The following VAV3 variants were observed in gnomAD, a reference collection of about 807,000 sequenced individuals.
The protein encoded by VAV3 is guanine nucleotide exchange factor VAV3.
Under a neutral mutation model 131.2 loss-of-function variants are expected in VAV3, and 94 were observed. The observed-to-expected ratio is 0.72, with a 90% CI of 0.61 to 0.85. The LOEUF (loss-of-function observed/expected upper bound fraction) is 0.85, where lower values mean the gene tolerates loss of function less well. Among genes scored for constraint, VAV3 ranks in the 40% least tolerant of loss-of-function variants. VAV3 has a pLI of 0.00. For missense variants in VAV3, 939 were observed against 1,002.7 expected, an observed-to-expected ratio of 0.94 and a Z score of 0.86; for synonymous variants, 349 against 342.0, an observed-to-expected ratio of 1.02 and a Z score of -0.22.
At chr1:107,950,316 T>C (rs916629336) in intron 1 of VAV3, among the ~76,000 whole-genome samples, 2 of 152,196 alleles carry the variant, frequency 1.3e-5, no homozygotes, top group East Asian at 3.8e-4. Flanking sequence ...GTTGCTACTG[T>C]TACTTCTAGT....
chr1:107,690,340 G>A (rs531825055), intron 17 of VAV3, among the ~76,000 whole-genome samples: 1 of 152,120 alleles, frequency 6.6e-6, no homozygotes, highest in African/African-American at 2.4e-5. Context: ...ATTTACGGTG[G>A]TCAAGTAGCT....
In VAV3 at chr1:107,574,133, C is replaced by T; in HGVS notation, c.2416G>A (p.Glu806Lys). Residue 806 changes from glutamate to lysine, a missense_variant, in exon 26 of 27, where the codon GAG becomes AAG. Transcript: ENST00000370056. ...RYDFCARDMR[E>K]LSLLKGDVVK... Reference sequence around the variant, plus strand: ...ACATCTCCTTTCAACAAGGACAACTCTCTCATATCTCTTGCACAGAAGTCA... The same window carrying T: ...ACATCTCCTTTCAACAAGGACAACTTTCTCATATCTCTTGCACAGAAGTCA... The T allele has an allele frequency of 6.2e-7, 1 of 1,614,148 alleles. No individual in the cohort carries two copies. Among genetic ancestry groups the T allele is most frequent in the African/African-American group, 1.3e-5 (1 of 75,050 alleles).
intron 19 of VAV3, among the ~76,000 whole-genome samples, chr1:107,682,247 A>G (rs925023764): frequency 1.3e-5 from 2 of 152,148 alleles, no homozygotes; most frequent in African/African-American, 4.8e-5. Context: ...AAATACAAAA[A>G]TGCATTTCCC....
intron 2 of VAV3, among the ~76,000 whole-genome samples, chr1:107,856,609 CTTTA>C (rs376968025): frequency 1.0e-3 from 154 of 152,114 alleles, no homozygotes; most frequent in African/African-American, 3.6e-3. Context: ...ATTGATAGCA[CTTTA>C]TTTTGTTCTC....
At chr1:107,878,974 A>T (rs1670640024) in intron 1 of VAV3, among the ~76,000 whole-genome samples, 1 of 152,148 alleles carries the variant, frequency 6.6e-6, no homozygotes, top group South Asian at 2.1e-4. Flanking sequence ...AAAACAGAAA[A>T]AAAGCTTCCC....
intron 1 of VAV3, among the ~76,000 whole-genome samples, chr1:107,932,931 C>A (rs1673515291): frequency 6.6e-6 from 1 of 152,202 alleles, no homozygotes; most frequent in Admixed American, 6.5e-5. Flanking sequence ...TGATTTTGAA[C>A]CTTTGGCCTC....
chr1:107,606,920 G>A (rs1652319063), intron 22 of VAV3, among the ~76,000 whole-genome samples: 1 of 141,224 alleles, frequency 7.1e-6, no homozygotes, highest in East Asian at 2.2e-4. Context: ...CTCTGTGTGT[G>A]TGAGCACCAA....
intron 1 of VAV3, among the ~76,000 whole-genome samples, chr1:107,953,114 C>T (rs895600308): frequency 1.5e-4 from 23 of 152,162 alleles, no homozygotes; most frequent in African/African-American, 4.8e-4. Context: ...GCAGCAGGAA[C>T]GGGAAACTTC....
At chr1:107,772,886 G>GT in intron 4 of VAV3, 43 bp from the exon 5 acceptor site, 3 of 1,521,238 alleles carry the variant, frequency 2.0e-6, no homozygotes, top group Non-Finnish European at 2.7e-6. Flanking sequence ...CTATTATGCA[G>GT]TAAATGCAAT....
chr1:107,623,608 C>T (rs1184494596), intron 20 of VAV3, among the ~76,000 whole-genome samples: 1 of 152,150 alleles, frequency 6.6e-6, no homozygotes, highest in Non-Finnish European at 1.5e-5. Context: ...TTGTTAATTG[C>T]TTCCTATATG....
At chr1:107,920,190 T>G (rs1672826898) in intron 1 of VAV3, among the ~76,000 whole-genome samples, 1 of 152,232 alleles carries the variant, frequency 6.6e-6, no homozygotes, top group Non-Finnish European at 1.5e-5. Flanking sequence ...AATGCTCTGC[T>G]GAACTAGACT....
chr1:107,711,781 A>G (rs1258597821), intron 15 of VAV3, among the ~76,000 whole-genome samples: 2 of 151,986 alleles, frequency 1.3e-5, no homozygotes, highest in Non-Finnish European at 2.9e-5. Context: ...TCTGCCTCCC[A>G]GGTTCGAGCG....
intron 15 of VAV3, among the ~76,000 whole-genome samples, chr1:107,740,212 A>C (rs781209765): frequency 6.6e-6 from 1 of 151,932 alleles, no homozygotes; most frequent in Non-Finnish European, 1.5e-5. Flanking sequence ...ACTTGAACCC[A>C]GGAGGTGGAG....
intron 17 of VAV3, among the ~76,000 whole-genome samples, chr1:107,699,781 T>C (rs927354967): frequency 1.6e-4 from 24 of 152,006 alleles, no homozygotes; most frequent in African/African-American, 5.5e-4. Flanking sequence ...TCAGGAACAA[T>C]TGCAAAGGAG....
At chr1:107,585,204 T>C (rs951597791) in intron 25 of VAV3, among the ~76,000 whole-genome samples, 3 of 152,164 alleles carry the variant, frequency 2.0e-5, no homozygotes, top group East Asian at 1.9e-4. Context: ...ATACATCACA[T>C]CTGATGTGTC....
rs1296912279 is a variant in VAV3 at position 107,912,745 on chromosome 1, G to A, written c.205-37728C>T. Among the ~76,000 whole-genome samples, 3 of 152,112 alleles carry A rather than the reference G, an allele frequency of 2.0e-5. No individual in the cohort carries two copies. In the East Asian group the frequency reaches 5.8e-4, roughly 29 times the overall value. ...GATACCTGCATCTGCACCTCTTCTGGAACAGCAGGTGCACTACTAGGCAAC... is the reference window on the plus strand; with the variant it reads ...GATACCTGCATCTGCACCTCTTCTGAAACAGCAGGTGCACTACTAGGCAAC... On this transcript the variant is annotated intron_variant, in intron 1 of 26. Coordinates refer to ENST00000370056, the MANE Select transcript of VAV3 (RefSeq NM_006113.5).
chr1:107,616,889 AT>A (rs1488555153), intron 21 of VAV3, among the ~76,000 whole-genome samples: 1 of 152,178 alleles, frequency 6.6e-6, no homozygotes, highest in Admixed American at 6.5e-5. Context: ...GAGTCAATAA[AT>A]TAAAAAGTTG....
chr1:107,918,134 A>G (rs974373753), intron 1 of VAV3, among the ~76,000 whole-genome samples: 1 of 152,222 alleles, frequency 6.6e-6, no homozygotes, highest in Non-Finnish European at 1.5e-5. Flanking sequence ...GTATTCATGT[A>G]TGTCCAGGTC....
intron 17 of VAV3, among the ~76,000 whole-genome samples, chr1:107,699,999 T>C (rs1659998833): frequency 6.6e-6 from 1 of 152,154 alleles, no homozygotes; most frequent in Admixed American, 6.5e-5. Flanking sequence ...AATTTGAAAA[T>C]CCACCTTCAG....
Sources: gnomAD v4.1 joint callset for allele counts (sites outside exome capture counted in the v4.1 genomes callset) on GRCh38, gnomAD v4.1.1 for gene constraint, MANE v1.5 for transcripts, NCBI Gene and HGNC (gene_info 2026-07-23, HGNC 2026-07-21) for gene names.